The following NTRK3 variants were observed in gnomAD, a reference collection of about 807,000 sequenced individuals.
The protein encoded by NTRK3 is neurotrophic receptor tyrosine kinase 3, also known as NT-3 growth factor receptor.
In NTRK3, 24 loss-of-function variants were observed where a neutral mutation model predicts 91.7. The ratio of observed to expected loss-of-function variants is 0.26; its 90% CI spans 0.19 to 0.37. The LOEUF is 0.37. Ranked by LOEUF, NTRK3 falls within the 10% of genes least tolerant of loss-of-function variation. The probability of loss-of-function intolerance (pLI) is 1.00; values close to 1 mark genes in which losing one functional copy is unlikely to be tolerated. For synonymous variants in NTRK3, 483 were observed against 404.0 expected (o/e 1.20, Z -2.34); for missense variants, 880 against 1,068.9 (o/e 0.82, Z 2.46).
At chr15:88,127,258 G>GTT in intron 11 of NTRK3, 32 bp from the exon 12 acceptor site, 2 of 1,599,514 alleles carry the variant, frequency 1.3e-6, no homozygotes. Flanking sequence ...GAGGAGGACA[G>GTT]TTAGCTTCCC....
At position 88,233,144 on chromosome 15, in the gene NTRK3, C is replaced by A. The variant is rs1008325399; in HGVS notation, c.248+22762G>T. On this transcript the variant is annotated intron_variant, in intron 3 of 18. Coordinates refer to ENST00000394480, the Ensembl canonical transcript of NTRK3. The surrounding 1 kb of genome is among the most constrained non-coding windows in gnomAD (Gnocchi z 4.2). ...GGGGCAGAGAGAATCTATTTCGGAGCCACCCCAGGCTATTTTCCTCTGGAG... is the reference window on the plus strand; with the variant it reads ...GGGGCAGAGAGAATCTATTTCGGAGACACCCCAGGCTATTTTCCTCTGGAG... Among the ~76,000 whole-genome samples, 4 of 152,172 alleles carry A rather than the reference C, an allele frequency of 2.6e-5. No individual in the cohort carries two copies. The South Asian group carries it at 8.3e-4, about 32-fold the overall frequency.
intron 16 of NTRK3, among the ~76,000 whole-genome samples, chr15:87,931,395 T>G: frequency 6.6e-6 from 1 of 152,192 alleles, no homozygotes; most frequent in East Asian, 1.9e-4. Flanking sequence ...GTAATAGTAA[T>G]AACTTCAATA....
rs2065497402 is a variant in NTRK3, at chr15:87,885,752, A to C, written c.2134-5324T>G. On this transcript the variant is annotated intron_variant, in intron 17 of 18. Transcript: ENST00000394480. ...ATTAAAGAGCTAAACATAAAAAACAAAACAATAATAATATTAGAAGAAAAC... is the reference window on the plus strand; with the variant it reads ...ATTAAAGAGCTAAACATAAAAAACACAACAATAATAATATTAGAAGAAAAC... The C allele has an allele frequency of 5.2e-6, 6 of 1,152,366 alleles. No individual in the cohort carries two copies. The highest frequency in any genetic ancestry group is 5.8e-6 in the Non-Finnish European group (5 of 863,372). The allele number at this position is 1,152,366 out of a possible 1,614,324, so 71.4% of individuals were successfully genotyped here. A position where few individuals can be genotyped will look rare whatever the true frequency, so the allele number is the denominator to read the frequency against.
At chr15:87,871,769 C>A in exon 19 of NTRK3, 1 of 223,460 alleles carries the variant, frequency 4.5e-6, no homozygotes, top group Non-Finnish European at 8.9e-6. Context: ...TGACTTCAAA[C>A]AGGCCTTCTT....
chr15:88,030,794 GA>G (rs544482364), intron 14 of NTRK3, among the ~76,000 whole-genome samples: 1,571 of 147,662 alleles, frequency 0.011, 7 homozygotes, highest in Middle Eastern at 0.017. Flanking sequence ...ATTTTAATTG[GA>G]AAAAAAAAAC....
chr15:88,236,048 A>C (rs1435413487), intron 3 of NTRK3, among the ~76,000 whole-genome samples: 2 of 152,216 alleles, frequency 1.3e-5, no homozygotes, highest in Non-Finnish European at 2.9e-5. Flanking sequence ...GTATCTTATA[A>C]AGTTAAACAT....
intron 13 of NTRK3, among the ~76,000 whole-genome samples, chr15:88,059,998 C>T (rs2046065941): frequency 6.6e-6 from 1 of 152,150 alleles, no homozygotes; most frequent in African/African-American, 2.4e-5. Flanking sequence ...GCTTGAACTC[C>T]AGAATAGATT....
chr15:87,998,583 C>T (rs2075874674), intron 14 of NTRK3, among the ~76,000 whole-genome samples: 1 of 152,210 alleles, frequency 6.6e-6, no homozygotes, highest in Non-Finnish European at 1.5e-5. Context: ...TATTCTGATG[C>T]ATTTTTAATC....
chr15:88,121,963 G>A (rs2052758825), intron 13 of NTRK3, among the ~76,000 whole-genome samples: 1 of 152,202 alleles, frequency 6.6e-6, no homozygotes, highest in Non-Finnish European at 1.5e-5. Context: ...CAGTTGGAGG[G>A]CTCTGAGACA....
chr15:88,132,126 G>C (rs1402731111), intron 10 of NTRK3: 2 of 181,654 alleles, frequency 1.1e-5, no homozygotes, highest in African/African-American at 4.7e-5. Flanking sequence ...TTGAGTCAGA[G>C]TCAGAGCCCT....
At chr15:87,870,152 C>T (rs1341322916) in exon 19 of NTRK3, 3 of 182,734 alleles carry the variant, frequency 1.6e-5, no homozygotes, top group African/African-American at 7.1e-5. Flanking sequence ...AAATGCCCAT[C>T]AATCAATGAG....
At chr15:88,128,789 C>G in intron 10 of NTRK3, 55 bp from the exon 11 acceptor site, 2 of 1,497,660 alleles carry the variant, frequency 1.3e-6, no homozygotes, top group Non-Finnish European at 9.3e-7. Flanking sequence ...CCAGAACAGA[C>G]ACACTACTTG....
intron 13 of NTRK3, among the ~76,000 whole-genome samples, chr15:88,092,348 A>C (rs1280071371): frequency 1.3e-5 from 2 of 152,206 alleles, no homozygotes; most frequent in Non-Finnish European, 2.9e-5. Flanking sequence ...CCCTATTATC[A>C]GACCTGCTGC....
At chr15:87,989,682 T>C (rs980698794) in intron 14 of NTRK3, among the ~76,000 whole-genome samples, 7 of 151,390 alleles carry the variant, frequency 4.6e-5, no homozygotes, top group Non-Finnish European at 7.4e-5. Flanking sequence ...ATCATATAGA[T>C]CTAGTGCTGA....
chr15:88,059,753 T>C (rs376654845), intron 13 of NTRK3, among the ~76,000 whole-genome samples: 84 of 152,322 alleles, frequency 5.5e-4, no homozygotes, highest in African/African-American at 1.8e-3. Flanking sequence ...TATATGTTAA[T>C]GTTATAACAC....
chr15:88,143,920 C>G lies in NTRK3; in HGVS notation c.464+3415G>C, dbSNP rs535266115. ...CCAATCTATTTTAATCATGTCTGCT[C>G]CATGCATGCAGGGTATTCAGAGAAG... On this transcript the variant is annotated intron_variant, in intron 6 of 18. Coordinates refer to ENST00000394480, the Ensembl canonical transcript of NTRK3. 4.6e-5 allele frequency: 7 copies of G among 152,294 alleles called. No homozygotes were observed. In the South Asian group the frequency reaches 1.4e-3, roughly 32 times the overall value. 9.4% of individuals were successfully genotyped at this position (152,294 alleles called of 1,614,324 possible). A position where few individuals can be genotyped will look rare whatever the true frequency, so the allele number is the denominator to read the frequency against.
At chr15:87,877,052 A>G (rs2064978621) in exon 19 of NTRK3, 1 of 1,614,028 alleles carries the variant, frequency 6.2e-7, no homozygotes, top group South Asian at 1.1e-5. Flanking sequence ...CCAGCATGAC[A>G]TCGTACACCT....
chr15:87,954,494 C>T (rs2141143640), intron 14 of NTRK3, among the ~76,000 whole-genome samples: 1 of 152,186 alleles, frequency 6.6e-6, no homozygotes, highest in Non-Finnish European at 1.5e-5. Flanking sequence ...ATATGAATCT[C>T]CGATTACTCC....
intron 13 of NTRK3, among the ~76,000 whole-genome samples, chr15:88,102,144 A>G (rs1450876833): frequency 1.3e-5 from 2 of 152,188 alleles, no homozygotes; most frequent in Admixed American, 6.5e-5. Context: ...TCAGGCCAGC[A>G]TCTCCCCTGG....
Sources: gnomAD v4.1 joint callset for allele counts (sites outside exome capture counted in the v4.1 genomes callset) on GRCh38, gnomAD v4.1.1 for gene constraint, Gnocchi (gnomAD v3.1) non-coding constraint, MANE v1.5 for transcripts, NCBI Gene and HGNC (gene_info 2026-07-23, HGNC 2026-07-21) for gene names.